The following PPIG variants were observed in gnomAD, a reference collection of about 807,000 sequenced individuals.
PPIG encodes the protein peptidylprolyl isomerase G, also known as peptidyl-prolyl cis-trans isomerase G.
A neutral mutation model predicts 87.9 loss-of-function variants in PPIG; 26 were observed. That is an observed-to-expected ratio of 0.30 (90% confidence interval 0.22 to 0.41). PPIG has a LOEUF of 0.41. Among genes scored for constraint, PPIG ranks in the 10% least tolerant of loss-of-function variants. The probability of loss-of-function intolerance (pLI) is 1.00; values close to 1 mark genes in which losing one functional copy is unlikely to be tolerated. For missense variants in PPIG, 722 were observed against 879.4 expected (o/e 0.82, Z 2.26); for synonymous variants, 308 against 276.5 (o/e 1.11, Z -1.13).
At chr2:169,606,699 T>C (rs1459927092) in intron 5 of PPIG, among the ~76,000 whole-genome samples, 1 of 151,906 alleles carries the variant, frequency 6.6e-6, no homozygotes, top group Non-Finnish European at 1.5e-5. Flanking sequence ...TTCATCTCAG[T>C]AATCTGTCAA....
At chr2:169,592,303 CTTTTTTT>C (rs777690234) in intron 1 of PPIG, among the ~76,000 whole-genome samples, 23 of 93,600 alleles carry the variant, frequency 2.5e-4, no homozygotes, top group African/African-American at 8.2e-4. Context: ...TGTCTTTTTT[CTTTTTTT>C]TTTTTTTTTT....
intron 7 of PPIG, 58 bp from the exon 8 acceptor site, chr2:169,614,406 G>A (rs1685561856): frequency 7.1e-7 from 1 of 1,418,114 alleles, no homozygotes; most frequent in Admixed American, 2.2e-5. Context: ...TTTTAGAGAT[G>A]CTAACTTTGT....
intron 9 of PPIG, among the ~76,000 whole-genome samples, chr2:169,628,063 C>G (rs950433884): frequency 6.6e-6 from 1 of 152,052 alleles, no homozygotes; most frequent in African/African-American, 2.4e-5. Context: ...TTCATACCCA[C>G]TCTGTCTCAC....
intron 6 of PPIG, among the ~76,000 whole-genome samples, chr2:169,607,384 T>C (rs1685362002): frequency 1.3e-5 from 2 of 152,152 alleles, no homozygotes; most frequent in Admixed American, 6.5e-5. Flanking sequence ...CTGTACTTAA[T>C]TCTTAGAATT....
At chr2:169,597,820 CAA>C (rs1301538532) in intron 1 of PPIG, among the ~76,000 whole-genome samples, 1 of 151,938 alleles carries the variant, frequency 6.6e-6, no homozygotes. Context: ...TAAAAATATA[CAA>C]AGACAGTATA....
intron 6 of PPIG, among the ~76,000 whole-genome samples, chr2:169,608,279 A>T (rs1487224152): frequency 6.6e-6 from 1 of 152,044 alleles, no homozygotes; most frequent in East Asian, 1.9e-4. Flanking sequence ...TCACGATGTC[A>T]GGAAATTGAG....
intron 1 of PPIG, among the ~76,000 whole-genome samples, chr2:169,597,321 T>G (rs1685045734): frequency 6.6e-6 from 1 of 152,012 alleles, no homozygotes. Flanking sequence ...TTAATTTTGT[T>G]TTTGGAGATG....
At chr2:169,590,718 A>G (rs1684842267) in intron 1 of PPIG, among the ~76,000 whole-genome samples, 1 of 152,202 alleles carries the variant, frequency 6.6e-6, no homozygotes, top group Admixed American at 6.5e-5. Flanking sequence ...CTAACTAATT[A>G]TCTGGCTAAT....
At chr2:169,631,695 C>G (rs1574464360) in intron 10 of PPIG, 71 bp from the exon 11 acceptor site, 1 of 1,597,840 alleles carries the variant, frequency 6.3e-7, no homozygotes, top group African/African-American at 1.4e-5. Flanking sequence ...AAAGAAATAC[C>G]AACAATTGGA....
In PPIG at chr2:169,599,973, A is replaced by G. The variant is rs114831723; in HGVS notation, c.-69-3669A>G. Among the ~76,000 whole-genome samples, 817 of 152,274 alleles carry G rather than the reference A, an allele frequency of 5.4e-3. 12 individuals are homozygous for G. The highest frequency in any genetic ancestry group is 0.019 in the African/African-American group (769 of 41,550). On this transcript the variant is annotated intron_variant, in intron 1 of 13. Coordinates refer to ENST00000260970, the MANE Select transcript of PPIG (RefSeq NM_004792.3). ...ATCTCCATTATTTACTTCATTAGTG[A>G]ATCTAAAAAGCTGTTTCATATCCAG...
intron 4 of PPIG, 65 bp downstream of exon 4, chr2:169,604,326 G>GTTT: frequency 1.2e-5 from 6 of 488,280 alleles, no homozygotes; most frequent in Admixed American, 9.5e-5. Context: ...TTGCTTGCTT[G>GTTT]GTTTTTTTTT....
chr2:169,625,061 A>G (rs1345478812), intron 9 of PPIG, among the ~76,000 whole-genome samples: 1 of 152,236 alleles, frequency 6.6e-6, no homozygotes, highest in Non-Finnish European at 1.5e-5. Context: ...GCTATTTAAC[A>G]TAGCTGTCAC....
At chr2:169,627,704 C>CTTTTTTT (rs777197172) in intron 9 of PPIG, among the ~76,000 whole-genome samples, 2,253 of 101,652 alleles carry the variant, frequency 0.022, 106 homozygotes, top group African/African-American at 0.09. Context: ...AGTGGGCTTG[C>CTTTTTTT]TTTTTTTTTT....
intron 1 of PPIG, among the ~76,000 whole-genome samples, chr2:169,597,442 C>A (rs992000938): frequency 6.6e-6 from 1 of 151,926 alleles, no homozygotes; most frequent in Non-Finnish European, 1.5e-5. Flanking sequence ...TGCAGGTGCA[C>A]GTCACCATGC....
At chr2:169,600,485 G>A (rs1487711654) in intron 1 of PPIG, among the ~76,000 whole-genome samples, 2 of 152,114 alleles carry the variant, frequency 1.3e-5, no homozygotes, top group African/African-American at 2.4e-5. Flanking sequence ...TGGAATGTTT[G>A]CAATATACTT....
intron 9 of PPIG, among the ~76,000 whole-genome samples, chr2:169,619,760 T>A (rs1017058790): frequency 5.9e-5 from 9 of 152,136 alleles, no homozygotes; most frequent in African/African-American, 2.2e-4. Context: ...TCTTTTTTTT[T>A]TATAATAGCC....
At chr2:169,618,026 C>A (rs1045119257) in intron 9 of PPIG, among the ~76,000 whole-genome samples, 7 of 152,072 alleles carry the variant, frequency 4.6e-5, no homozygotes, top group African/African-American at 1.7e-4. Flanking sequence ...AGATGTGTTC[C>A]CTCAATACCT....
chr2:169,592,494 C>T lies in PPIG; in HGVS notation c.-70+8004C>T, dbSNP rs772952020. 7.2e-5 allele frequency among the ~76,000 whole-genome samples: 11 copies of T among 152,010 alleles called. No homozygotes were observed. The South Asian group carries it at 1.2e-3, about 17-fold the overall frequency. On this transcript the variant is annotated intron_variant, in intron 1 of 13. Coordinates refer to ENST00000260970, the MANE Select transcript of PPIG (RefSeq NM_004792.3). ...TAATTTTTTGTATTTTTAGGGGAGA[C>T]GGGGTTTCACCATGTTAGCCAGGAT...
chr2:169,635,935 CT>C (rs1686166346), intron 12 of PPIG, among the ~76,000 whole-genome samples, 156 bp from the exon 13 acceptor site: 1 of 152,142 alleles, frequency 6.6e-6, no homozygotes, highest in African/African-American at 2.4e-5. Flanking sequence ...GAAACATATA[CT>C]TTTAAGCTAC....
Sources: gnomAD v4.1 joint callset for allele counts (sites outside exome capture counted in the v4.1 genomes callset) on GRCh38, gnomAD v4.1.1 for gene constraint, MANE v1.5 for transcripts, NCBI Gene and HGNC (gene_info 2026-07-23, HGNC 2026-07-21) for gene names.